Variants in SRGAP1 observed in about 807,000 individuals in gnomAD.
The protein encoded by SRGAP1 is SLIT-ROBO Rho GTPase activating protein 1, also known as SLIT-ROBO Rho GTPase-activating protein 1.
Under a neutral mutation model 121.9 loss-of-function variants are expected in SRGAP1, and 43 were observed. That is an observed-to-expected ratio of 0.35 (90% CI 0.28 to 0.46). The LOEUF is 0.46. SRGAP1 is among the 20% of genes least tolerant of loss of function. The probability of loss-of-function intolerance (pLI) is 1.00; values close to 1 mark genes in which losing one functional copy is unlikely to be tolerated. For synonymous variants in SRGAP1, 447 were observed against 485.4 expected (o/e 0.92, Z 1.04); for missense variants, 1,102 against 1,350.9 (o/e 0.82, Z 2.89).
intron 3 of SRGAP1, among the ~76,000 whole-genome samples, chr12:64,008,365 T>C (rs2034149907): frequency 3.9e-5 from 2 of 51,384 alleles, no homozygotes; most frequent in Non-Finnish European, 9.7e-5. Flanking sequence ...CATAAGAATG[T>C]TTTTCTTTTT....
chr12:64,081,669 A>G (rs1279649206), intron 10 of SRGAP1: 2 of 152,050 alleles, frequency 1.3e-5, no homozygotes, highest in African/African-American at 2.4e-5. Flanking sequence ...AATTAGTGTT[A>G]ATTTTCCTAG....
chr12:63,856,683 T>C (rs1012037729), intron 1 of SRGAP1, among the ~76,000 whole-genome samples: 1 of 151,964 alleles, frequency 6.6e-6, no homozygotes, highest in Admixed American at 6.6e-5. Context: ...CCAATCACAC[T>C]ATCTTAACTA....
chr12:64,066,479 C>T (rs1173006331), intron 8 of SRGAP1, among the ~76,000 whole-genome samples: 1 of 152,016 alleles, frequency 6.6e-6, no homozygotes, highest in African/African-American at 2.4e-5. Context: ...GACTGTGGGA[C>T]AGAAGCAAAA....
intron 4 of SRGAP1, chr12:64,032,299 T>A (rs1593061947): frequency 3.1e-6 from 1 of 326,610 alleles, no homozygotes. Flanking sequence ...CGAGGTTCCA[T>A]CCCATGGGCA....
intron 1 of SRGAP1, among the ~76,000 whole-genome samples, chr12:63,976,642 T>C (rs1332672883): frequency 6.6e-6 from 1 of 152,234 alleles, no homozygotes; most frequent in Non-Finnish European, 1.5e-5. Flanking sequence ...AATAATAACA[T>C]GTCCATCTGT....
chr12:64,074,673 T>C (rs1011140712), intron 8 of SRGAP1, among the ~76,000 whole-genome samples: 1 of 152,216 alleles, frequency 6.6e-6, no homozygotes, highest in Non-Finnish European at 1.5e-5. Flanking sequence ...GAGTTTTGCC[T>C]GTTTTCTTAC....
chr12:64,065,255 G>A, intron 8 of SRGAP1, 36 bp downstream of exon 8: 1 of 1,504,580 alleles, frequency 6.6e-7, no homozygotes, highest in African/African-American at 1.4e-5. Flanking sequence ...CCAGTAATCT[G>A]AATTCAAATA....
chr12:63,875,313 C>T (rs1899995047), intron 1 of SRGAP1, among the ~76,000 whole-genome samples: 1 of 152,110 alleles, frequency 6.6e-6, no homozygotes, highest in Non-Finnish European at 1.5e-5. Context: ...TTTGTACCCT[C>T]AAAGATCAGG....
intron 1 of SRGAP1, among the ~76,000 whole-genome samples, chr12:63,904,112 C>A (rs1407093879): frequency 8.6e-5 from 13 of 152,012 alleles, no homozygotes; most frequent in Non-Finnish European, 1.5e-5. Context: ...ATAACTCCCA[C>A]CCTGAATTTT....
At chr12:64,095,275 C>G in intron 14 of SRGAP1, 71 bp downstream of exon 14, 2 of 1,368,246 alleles carry the variant, frequency 1.5e-6, no homozygotes, top group Non-Finnish European at 2.1e-6. Context: ...TGAAGTGGCA[C>G]CCTTATTCTG....
intron 11 of SRGAP1, among the ~76,000 whole-genome samples, chr12:64,087,804 A>G (rs1414550723): frequency 6.6e-6 from 1 of 152,200 alleles, no homozygotes; most frequent in Non-Finnish European, 1.5e-5. Flanking sequence ...TTAGCTGTCT[A>G]TATATTCTCC....
rs2037122573 is a variant in SRGAP1, at chr12:64,151,826, T to C, written c.*9154T>C. ...AAACATCAGCAAACAGAGATTTTCC[T>C]CAGGCACCTTAAGCTCAACAGACCC... On this transcript the variant is annotated 3_prime_UTR_variant, in exon 22 of 22. Transcript: ENST00000355086. 1 of 152,198 alleles carries C rather than the reference T, an allele frequency of 6.6e-6. No homozygotes were observed. Among genetic ancestry groups the C allele is most frequent in the African/African-American group, 2.4e-5 (1 of 41,444 alleles). The allele number at this position is 152,198 out of a possible 1,614,324, so 9.4% of individuals were successfully genotyped here. A position where few individuals can be genotyped will look rare whatever the true frequency, so the allele number is the denominator to read the frequency against.
intron 1 of SRGAP1, among the ~76,000 whole-genome samples, chr12:63,952,564 A>G (rs563519163): frequency 1.1e-4 from 16 of 152,100 alleles, no homozygotes; most frequent in Non-Finnish European, 2.4e-4. Context: ...AATCCACACC[A>G]ATGAGCCTTC....
At chr12:63,954,683 A>AAAAAAAAAAGAAAAAAG (rs1555244912) in intron 1 of SRGAP1, among the ~76,000 whole-genome samples, 1 of 147,910 alleles carries the variant, frequency 6.8e-6, no homozygotes, top group African/African-American at 2.5e-5. Context: ...ATCTCAAAAA[A>AAAAAAAAAAGAAAAAAG]AAAAAAAAAG....
At chr12:63,953,171 TG>T (rs1565966874) in intron 1 of SRGAP1, among the ~76,000 whole-genome samples, 2 of 152,140 alleles carry the variant, frequency 1.3e-5, no homozygotes, top group Non-Finnish European at 2.9e-5. Flanking sequence ...AGTGGCTTAT[TG>T]TTAAGTGGCT....
chr12:63,847,271 C>T (rs567385547), intron 1 of SRGAP1, among the ~76,000 whole-genome samples: 4 of 151,892 alleles, frequency 2.6e-5, no homozygotes, highest in African/African-American at 4.8e-5. Flanking sequence ...TACAGTGAGC[C>T]GAAATCACAT....
At chr12:63,965,659 C>T (rs1234815537) in intron 1 of SRGAP1, among the ~76,000 whole-genome samples, 2 of 151,908 alleles carry the variant, frequency 1.3e-5, no homozygotes, top group Admixed American at 1.3e-4. Flanking sequence ...GAGACCTCAT[C>T]TCTGCAAAAA....
chr12:63,860,675 C>T (rs1899413673), intron 1 of SRGAP1, among the ~76,000 whole-genome samples: 1 of 152,144 alleles, frequency 6.6e-6, no homozygotes, highest in Non-Finnish European at 1.5e-5. Flanking sequence ...TATATTCTCT[C>T]TTTTTTCATT....
chr12:63,976,023 G>A (rs2033083586), intron 1 of SRGAP1, among the ~76,000 whole-genome samples: 1 of 152,286 alleles, frequency 6.6e-6, no homozygotes, highest in African/African-American at 2.4e-5. Flanking sequence ...ATTCTCTTCT[G>A]AAACGTAAGT....
Sources: gnomAD v4.1 joint callset for allele counts (sites outside exome capture counted in the v4.1 genomes callset) on GRCh38, gnomAD v4.1.1 for gene constraint, MANE v1.5 for transcripts, NCBI Gene and HGNC (gene_info 2026-07-23, HGNC 2026-07-21) for gene names.